SNRPD3: variants seen among roughly 807,000 people sequenced by gnomAD.
The protein encoded by SNRPD3 is small nuclear ribonucleoprotein Sm D3.
For missense variants in SNRPD3, 73 were observed against 167.5 expected, an observed-to-expected ratio of 0.44 and a Z score of 3.11; for synonymous variants, 66 against 58.4, an observed-to-expected ratio of 1.13 and a Z score of -0.59.
At chr22:24,565,361 C>T (rs1259871215) in intron 2 of SNRPD3, among the ~76,000 whole-genome samples, 1 of 152,162 alleles carries the variant, frequency 6.6e-6, no homozygotes, top group African/African-American at 2.4e-5. Context: ...TATGTCACTT[C>T]ATCTCTTTAC....
At chr22:24,568,714 G>A (rs1014660410) in intron 3 of SNRPD3, among the ~76,000 whole-genome samples, 2 of 142,406 alleles carry the variant, frequency 1.4e-5, no homozygotes, top group African/African-American at 4.9e-5. Context: ...CCGCCACTGC[G>A]CCGGGCTACT....
At chr22:24,560,933 C>T (rs2045135166) in intron 2 of SNRPD3, among the ~76,000 whole-genome samples, 1 of 146,566 alleles carries the variant, frequency 6.8e-6, no homozygotes, top group Admixed American at 6.8e-5. Context: ...GAGATGGAGG[C>T]TCATCATGTT....
At chr22:24,565,250 G>C (rs74890435) in intron 2 of SNRPD3, among the ~76,000 whole-genome samples, 2,876 of 152,050 alleles carry the variant, frequency 0.019, 94 homozygotes, top group African/African-American at 0.066. Context: ...AAAGAACTGG[G>C]TTCAAACTCC....
At chr22:24,570,871 G>A (rs544101591) in intron 3 of SNRPD3, among the ~76,000 whole-genome samples, 34 of 146,452 alleles carry the variant, frequency 2.3e-4, no homozygotes, top group African/African-American at 5.1e-4. Context: ...GCTGCAGTGC[G>A]GTGGCTTGAT....
In SNRPD3 at chr22:24,560,090, A is replaced by ATTTCT. The variant is rs2045118348; in HGVS notation, c.126+2293_126+2294insCTTTT. Reference sequence around the variant, plus strand: ...CTTAACATAATTATGTTTATAAAGAATTTTTTTTTTTTTTTTTTTGAGATG... The same window carrying ATTTCT: ...CTTAACATAATTATGTTTATAAAGAATTTCTTTTTTTTTTTTTTTTTTTTGAGATG... On this transcript the variant is annotated intron_variant, in intron 2 of 3. Transcript: ENST00000215829. 4.5e-5 allele frequency among the ~76,000 whole-genome samples: 4 copies of ATTTCT among 89,278 alleles called. No homozygotes were observed. The South Asian group carries it at 1.6e-3, about 35-fold the overall frequency. The allele number at this position is 89,278 out of a possible 152,430, so 58.6% of individuals were successfully genotyped here. A position where few individuals can be genotyped will look rare whatever the true frequency, so the allele number is the denominator to read the frequency against.
chr22:24,562,823 A>C lies in SNRPD3; in HGVS notation c.126+5023A>C, dbSNP rs146293785. Among the ~76,000 whole-genome samples the C allele has an allele frequency of 7.2e-5, 11 of 152,350 alleles. 1 individual carries two copies. The East Asian group carries it at 2.1e-3, about 29-fold the overall frequency. ...CCAAGCAGTCAGTATCCAGAAATGT[A>C]AACCTGAATCTCTCTGTACATTGAA... On this transcript the variant is annotated intron_variant, in intron 2 of 3. Coordinates refer to ENST00000215829, the MANE Select transcript of SNRPD3 (RefSeq NM_004175.5).
chr22:24,557,627 A>G (rs145030487), intron 1 of SNRPD3, 30 bp from the exon 2 acceptor site: 62 of 1,577,634 alleles, frequency 3.9e-5, no homozygotes, highest in Non-Finnish European at 4.8e-5. Context: ...ACTCTGAAAG[A>G]TGAACTGACT....
At chr22:24,561,952 T>C (rs1293956178) in intron 2 of SNRPD3, among the ~76,000 whole-genome samples, 3 of 152,184 alleles carry the variant, frequency 2.0e-5, no homozygotes, top group Non-Finnish European at 2.9e-5. Context: ...CAGTGAGCTA[T>C]GGAGTGCCAC....
At chr22:24,563,863 G>A (rs2045171071) in intron 2 of SNRPD3, among the ~76,000 whole-genome samples, 1 of 152,166 alleles carries the variant, frequency 6.6e-6, no homozygotes, top group Admixed American at 6.5e-5. Flanking sequence ...GTATAAAAAT[G>A]AGAACCCAAA....
intron 2 of SNRPD3, among the ~76,000 whole-genome samples, chr22:24,558,880 A>G (rs940407561): frequency 3.9e-5 from 6 of 152,204 alleles, no homozygotes; most frequent in South Asian, 2.1e-4. Context: ...GTTGAATGCC[A>G]TGGTGGACTG....
chr22:24,565,066 G>A (rs2045184442), intron 2 of SNRPD3, among the ~76,000 whole-genome samples: 1 of 151,650 alleles, frequency 6.6e-6, no homozygotes, highest in South Asian at 2.1e-4. Context: ...AAAAATTTTT[G>A]TAGAGATAGG....
At chr22:24,564,321 C>G (rs139299325) in intron 2 of SNRPD3, among the ~76,000 whole-genome samples, 1 of 152,268 alleles carries the variant, frequency 6.6e-6, no homozygotes, top group Non-Finnish European at 1.5e-5. Context: ...TACAAAGATT[C>G]TCTCTCTCCC....
intron 1 of SNRPD3, among the ~76,000 whole-genome samples, chr22:24,557,240 GTAT>G (rs1360366869): frequency 2.0e-5 from 3 of 152,194 alleles, no homozygotes; most frequent in East Asian, 1.9e-4. Flanking sequence ...GCTCGGGCCT[GTAT>G]TATTCTCAAA....
At chr22:24,565,702 C>T (rs2045191088) in intron 2 of SNRPD3, among the ~76,000 whole-genome samples, 2 of 152,040 alleles carry the variant, frequency 1.3e-5, no homozygotes, top group Non-Finnish European at 1.5e-5. Context: ...GCTCTGTTGC[C>T]CAGGCTGGAA....
Position 24,572,074 on chromosome 22 carries a change from A to C in SNRPD3, c.*97A>C, listed in dbSNP as rs765355854. Reference sequence around the variant, plus strand: ...GCATATATGCTAGGTATCTTTTGCCATCTTTCTCTTTAGATCAGGGGAAAT... The same window carrying C: ...GCATATATGCTAGGTATCTTTTGCCCTCTTTCTCTTTAGATCAGGGGAAAT... On this transcript the variant is annotated 3_prime_UTR_variant, in exon 4 of 4. Coordinates refer to ENST00000215829, the MANE Select transcript of SNRPD3 (RefSeq NM_004175.5). The C allele has an allele frequency of 1.9e-6, 3 of 1,572,056 alleles. No individual in the cohort carries two copies. Among genetic ancestry groups the C allele is most frequent in the Admixed American group, 3.7e-5 (2 of 53,722 alleles).
intron 1 of SNRPD3, among the ~76,000 whole-genome samples, chr22:24,556,703 A>G (rs555288067): frequency 6.6e-6 from 1 of 152,214 alleles, no homozygotes; most frequent in Non-Finnish European, 1.5e-5. Flanking sequence ...CATTCTTTAC[A>G]TATAATTCTG....
chr22:24,566,063 A>G (rs552879549), intron 2 of SNRPD3, among the ~76,000 whole-genome samples: 1 of 152,318 alleles, frequency 6.6e-6, no homozygotes, highest in South Asian at 2.1e-4. Context: ...AGGTTATGGT[A>G]TTCTTCAGGG....
chr22:24,573,954 G>A lies in SNRPD3; in HGVS notation c.*1977G>A, dbSNP rs2045269155. On this transcript the variant is annotated 3_prime_UTR_variant, in exon 4 of 4. Transcript: ENST00000215829. Reference sequence around the variant, plus strand: ...TTATTAGAAATGAAGACTGCAAGCCGCACACCTGGAGTGGGGCCCAGGAAT... The same window carrying A: ...TTATTAGAAATGAAGACTGCAAGCCACACACCTGGAGTGGGGCCCAGGAAT... Among the ~76,000 whole-genome samples the A allele has an allele frequency of 6.6e-6, 1 of 152,144 alleles. No homozygotes were observed. Among genetic ancestry groups the A allele is most frequent in the South Asian group, 2.1e-4 (1 of 4,824 alleles).
intron 2 of SNRPD3, among the ~76,000 whole-genome samples, chr22:24,566,988 G>C (rs972125058): frequency 6.6e-6 from 1 of 152,084 alleles, no homozygotes; most frequent in Non-Finnish European, 1.5e-5. Flanking sequence ...GTCATTATTC[G>C]ACTGCTCTGG....
Sources: allele counts gnomAD v4.1 joint callset (sites outside exome capture counted in the v4.1 genomes callset), GRCh38; gene constraint gnomAD v4.1.1; transcripts MANE v1.5; gene names NCBI Gene and HGNC (gene_info 2026-07-23, HGNC 2026-07-21).